The following BCL2 variants were observed in gnomAD, a reference collection of about 807,000 sequenced individuals.
The protein encoded by BCL2 is BCL2 apoptosis regulator.
A neutral mutation model predicts 14.2 loss-of-function variants in BCL2; 1 was observed. The observed-to-expected ratio is 0.07, with a 90% CI of 0.02 to 0.33. The LOEUF is 0.33. Among genes scored for constraint, BCL2 ranks in the 10% least tolerant of loss-of-function variants. The pLI is 0.99. For synonymous variants in BCL2, 151 were observed against 137.2 expected (o/e 1.10, Z -0.70); for missense variants, 247 against 305.9 (o/e 0.81, Z 1.44).
At chr18:63,155,031 G>A (rs899968) in intron 2 of BCL2, among the ~76,000 whole-genome samples, 1 of 151,974 alleles carries the variant, frequency 6.6e-6, no homozygotes, top group African/African-American at 2.4e-5. Flanking sequence ...TTCTCAAGTC[G>A]TCACAGCTTC....
intron 2 of BCL2, among the ~76,000 whole-genome samples, chr18:63,131,124 T>C (rs560455070): frequency 1.3e-5 from 2 of 152,228 alleles, no homozygotes; most frequent in East Asian, 3.9e-4. Flanking sequence ...GGGCCGAGGC[T>C]GAGAAACTCT....
intron 2 of BCL2, among the ~76,000 whole-genome samples, chr18:63,137,751 A>T (rs1914246434): frequency 6.6e-6 from 1 of 152,180 alleles, no homozygotes; most frequent in Non-Finnish European, 1.5e-5. Context: ...TTTGGCCCCT[A>T]ACCCCTCTGT....
At chr18:63,255,673 G>C (rs563176758) in intron 2 of BCL2, among the ~76,000 whole-genome samples, 1 of 152,184 alleles carries the variant, frequency 6.6e-6, no homozygotes, top group South Asian at 2.1e-4. Context: ...AGTCTGTCTT[G>C]AATTTCCCCT....
intron 2 of BCL2, among the ~76,000 whole-genome samples, chr18:63,263,379 G>C (rs188231154): frequency 4.6e-5 from 7 of 152,192 alleles, no homozygotes; most frequent in Non-Finnish European, 8.8e-5. Context: ...CTTGACTACA[G>C]ATTTTTAAAA....
chr18:63,178,851 C>A (rs1599227621), intron 2 of BCL2, among the ~76,000 whole-genome samples: 1 of 145,368 alleles, frequency 6.9e-6, no homozygotes, highest in African/African-American at 2.6e-5. Flanking sequence ...CAGCCATGAC[C>A]AATTTAAAGG....
At chr18:63,197,247 C>T (rs752481354) in intron 2 of BCL2, among the ~76,000 whole-genome samples, 5 of 152,198 alleles carry the variant, frequency 3.3e-5, no homozygotes, top group Non-Finnish European at 5.9e-5. Flanking sequence ...CTGCCACTTC[C>T]TAGCTGTGTG....
chr18:63,276,081 C>T (rs534730492), intron 2 of BCL2, among the ~76,000 whole-genome samples: 1 of 152,134 alleles, frequency 6.6e-6, no homozygotes, highest in Non-Finnish European at 1.5e-5. Context: ...AGAGGGAGGC[C>T]TCTGATGGAT....
chr18:63,217,109 T>A (rs1301964196), intron 2 of BCL2, among the ~76,000 whole-genome samples: 1 of 152,212 alleles, frequency 6.6e-6, no homozygotes, highest in African/African-American at 2.4e-5. Context: ...TGAGGTAGTT[T>A]AGTAAATAAA....
In BCL2 at chr18:63,165,972, C is replaced by T. The variant is rs537870865; in HGVS notation, c.586-37213G>A. ...TTGCTGGATCGCTTTAAAGCTGTGC[C>T]GTCTGCCTTGAAGCAAGTCCACTGT... On this transcript the variant is annotated intron_variant, in intron 2 of 2. Coordinates refer to ENST00000333681, the MANE Select transcript of BCL2 (RefSeq NM_000633.3). 1.7e-3 allele frequency among the ~76,000 whole-genome samples: 260 copies of T among 152,342 alleles called. 1 individual carries two copies. The highest frequency in any genetic ancestry group is 2.9e-3 in the South Asian group (14 of 4,830).
chr18:63,276,674 A>G (rs1339997898), intron 2 of BCL2, among the ~76,000 whole-genome samples: 1 of 152,210 alleles, frequency 6.6e-6, no homozygotes, highest in East Asian at 1.9e-4. Flanking sequence ...CACATCACTA[A>G]AGTCAACACC....
At chr18:63,265,022 G>A (rs1487035121) in intron 2 of BCL2, among the ~76,000 whole-genome samples, 2 of 152,184 alleles carry the variant, frequency 1.3e-5, no homozygotes, top group Non-Finnish European at 2.9e-5. Flanking sequence ...GGTCCTCAAG[G>A]GACTGGGAGA....
intron 2 of BCL2, among the ~76,000 whole-genome samples, chr18:63,258,039 G>A (rs951229910): frequency 1.3e-5 from 2 of 152,220 alleles, no homozygotes; most frequent in South Asian, 2.1e-4. Flanking sequence ...AGAGGAGGTC[G>A]TTAGGGTGGG....
intron 2 of BCL2, among the ~76,000 whole-genome samples, chr18:63,198,251 C>A (rs1909507894): frequency 6.6e-6 from 1 of 151,104 alleles, no homozygotes; most frequent in Admixed American, 6.6e-5. Context: ...CATAGAGACA[C>A]ACACACAGAC....
intron 2 of BCL2, among the ~76,000 whole-genome samples, chr18:63,184,917 T>C (rs1448917793): frequency 2.6e-5 from 4 of 152,172 alleles, no homozygotes; most frequent in Admixed American, 2.6e-4. Context: ...GGTCTGGATG[T>C]CTGAATGTGA....
At position 63,318,565 on chromosome 18, in the gene BCL2, A is replaced by G. The variant is rs762137430; in HGVS notation, c.102T>C (p.Asp34=). 2.5e-6 allele frequency: 4 copies of G among 1,595,188 alleles called. No individual in the cohort carries two copies. The highest frequency in any genetic ancestry group is 3.4e-6 in the Non-Finnish European group (4 of 1,172,472). ...CGGCCCCCGGGGGCGCGGCGCCCAC[A>G]TCTCCCGCATCCCACTCGTAGCCCC... is the stretch of plus-strand genomic sequence containing the variant. ...SQRGYEWDAG[D]VGAAPPGAAP... The change falls in exon 2 of 3, where the codon GAT becomes GAC. Residue 34 remains aspartate, a synonymous_variant. Transcript: ENST00000333681. This position sits in a 1 kb window ranked among gnomAD's most constrained non-coding sequence, Gnocchi z 7.4.
chr18:63,298,442 T>C (rs181343508), intron 2 of BCL2, among the ~76,000 whole-genome samples: 1 of 152,316 alleles, frequency 6.6e-6, no homozygotes, highest in African/African-American at 2.4e-5. Flanking sequence ...TAGCTAGCTA[T>C]GTTGATGGCA....
intron 2 of BCL2, among the ~76,000 whole-genome samples, chr18:63,203,765 A>G (rs1455679086): frequency 6.6e-6 from 1 of 152,248 alleles, no homozygotes; most frequent in Non-Finnish European, 1.5e-5. Context: ...GAATTGAGAT[A>G]CTAAAAGCAA....
chr18:63,196,778 A>T (rs1343776149), intron 2 of BCL2, among the ~76,000 whole-genome samples: 1 of 152,182 alleles, frequency 6.6e-6, no homozygotes, highest in East Asian at 1.9e-4. Flanking sequence ...TTTTTAAATA[A>T]AAGCTTTCCA....
In BCL2 at chr18:63,318,154, G is replaced by T; in HGVS notation, c.513C>A (p.Asp171Glu). ...SVNREMSPLV[D>E]NIALWMTEYL... ...ACTCAGTCATCCACAGGGCGATGTT[G>T]TCCACCAGGGGCGACATCTCCCGGT... The change falls in exon 2 of 3, where the codon GAC becomes GAA. Residue 171 changes from aspartate to glutamate, a missense_variant. This residue lies in a region of BCL2 where 67 missense variants were observed against 145.7 expected (regional missense o/e 0.46). Coordinates refer to ENST00000333681, the MANE Select transcript of BCL2 (RefSeq NM_000633.3). The surrounding 1 kb of genome is among the most constrained non-coding windows in gnomAD (Gnocchi z 7.4). 6.2e-7 allele frequency: 1 copy of T among 1,614,088 alleles called. No individual in the cohort carries two copies. Among genetic ancestry groups the T allele is most frequent in the Non-Finnish European group, 8.5e-7 (1 of 1,180,022 alleles).
Sources: gnomAD v4.1 joint callset for allele counts (sites outside exome capture counted in the v4.1 genomes callset) on GRCh38, gnomAD v4.1.1 for gene constraint, gnomAD v4.1.1 regional missense constraint, Gnocchi (gnomAD v3.1) non-coding constraint, MANE v1.5 for transcripts, NCBI Gene and HGNC (gene_info 2026-07-23, HGNC 2026-07-21) for gene names.